The following UNC5C variants were observed in gnomAD, a reference collection of about 807,000 sequenced individuals.
The protein encoded by UNC5C is netrin receptor UNC5C.
Under a neutral mutation model 99.8 loss-of-function variants are expected in UNC5C, and 47 were observed. The ratio of observed to expected loss-of-function variants is 0.47; its 90% confidence interval spans 0.37 to 0.60. UNC5C has a LOEUF of 0.60. UNC5C is among the 20% of genes least tolerant of loss of function. UNC5C has a pLI of 0.00. For missense variants in UNC5C, 1,062 were observed against 1,165.9 expected (o/e 0.91, Z 1.30); for synonymous variants, 487 against 452.2 (o/e 1.08, Z -0.98).
At chr4:95,448,223 T>TGAGAGAGAGAGA (rs1355886184) in intron 1 of UNC5C, among the ~76,000 whole-genome samples, 34 of 108,038 alleles carry the variant, frequency 3.1e-4, no homozygotes, top group African/African-American at 8.8e-4. Context: ...TGTGTGTGTG[T>TGAGAGAGAGAGA]GTGTGAGAGA....
intron 1 of UNC5C, among the ~76,000 whole-genome samples, chr4:95,393,850 G>GTT (rs10638203): frequency 9.7e-5 from 13 of 133,762 alleles, no homozygotes; most frequent in African/African-American, 3.3e-4. Context: ...ACAATCTACT[G>GTT]TTTTTTTTTT....
chr4:95,171,950 A>G (rs1234896427), intron 14 of UNC5C, among the ~76,000 whole-genome samples: 1 of 151,196 alleles, frequency 6.6e-6, no homozygotes, highest in Non-Finnish European at 1.5e-5. Context: ...GTGAGATGGT[A>G]TCTCATTGTG....
intron 4 of UNC5C, among the ~76,000 whole-genome samples, chr4:95,254,059 T>G (rs1739858826): frequency 6.6e-6 from 1 of 152,184 alleles, no homozygotes; most frequent in African/African-American, 2.4e-5. Context: ...CCACTGGGTC[T>G]GGGGATGGGT....
chr4:95,374,515 A>G (rs1744837228), intron 1 of UNC5C, among the ~76,000 whole-genome samples: 1 of 152,040 alleles, frequency 6.6e-6, no homozygotes, highest in Admixed American at 6.5e-5. Context: ...CCTCAGAATC[A>G]GGGATTTACA....
At chr4:95,194,098 G>T (rs1021008105) in intron 12 of UNC5C, among the ~76,000 whole-genome samples, 21 of 151,784 alleles carry the variant, frequency 1.4e-4, no homozygotes, top group African/African-American at 5.1e-4. Flanking sequence ...CGGATGCTTG[G>T]TCTGAGCTGC....
At chr4:95,317,053 C>T (rs1742503701) in intron 2 of UNC5C, among the ~76,000 whole-genome samples, 1 of 150,806 alleles carries the variant, frequency 6.6e-6, no homozygotes, top group Non-Finnish European at 1.5e-5. Context: ...CCACATATAA[C>T]CTTGCCAAAG....
At chr4:95,180,076 G>C (rs28646007) in intron 14 of UNC5C, among the ~76,000 whole-genome samples, 2,960 of 152,236 alleles carry the variant, frequency 0.019, 104 homozygotes, top group African/African-American at 0.068. Flanking sequence ...AGTGGCACCA[G>C]TAAAAATGGT....
chr4:95,455,885 A>G (rs1396001190), intron 1 of UNC5C, among the ~76,000 whole-genome samples: 2 of 152,104 alleles, frequency 1.3e-5, no homozygotes, highest in Non-Finnish European at 2.9e-5. Context: ...GGTAACAAGT[A>G]TGTTTTTCAT....
intron 1 of UNC5C, among the ~76,000 whole-genome samples, chr4:95,375,741 G>A (rs1278983455): frequency 2.0e-5 from 3 of 152,106 alleles, no homozygotes; most frequent in Non-Finnish European, 2.9e-5. Context: ...TCATTATTTA[G>A]CATTATTGTG....
chr4:95,317,371 G>C (rs954171449), intron 2 of UNC5C, among the ~76,000 whole-genome samples: 1 of 152,168 alleles, frequency 6.6e-6, no homozygotes, highest in Non-Finnish European at 1.5e-5. Flanking sequence ...AACTGAGAGC[G>C]GCTGCATTAA....
intron 1 of UNC5C, among the ~76,000 whole-genome samples, chr4:95,417,167 A>C (rs891201971): frequency 6.6e-6 from 1 of 152,180 alleles, no homozygotes; most frequent in Non-Finnish European, 1.5e-5. Context: ...ATACATTTCA[A>C]AATGAGTGCC....
intron 1 of UNC5C, among the ~76,000 whole-genome samples, chr4:95,439,488 A>AGAT (rs1042121206): frequency 6.6e-6 from 1 of 152,080 alleles, no homozygotes; most frequent in African/African-American, 2.4e-5. Context: ...TTAGAGTCAC[A>AGAT]GATATGCTTT....
At chr4:95,392,430 ATTTTTT>A (rs10608601) in intron 1 of UNC5C, among the ~76,000 whole-genome samples, 3,236 of 109,052 alleles carry the variant, frequency 0.03, 269 homozygotes, top group Admixed American at 0.17. Flanking sequence ...GTATCAAAAC[ATTTTTT>A]TTTTTTTTAA....
chr4:95,468,806 G>A (rs1040804908), intron 1 of UNC5C, among the ~76,000 whole-genome samples: 4 of 152,090 alleles, frequency 2.6e-5, no homozygotes, highest in Non-Finnish European at 5.9e-5. Flanking sequence ...GACACCTTCG[G>A]TGTTGAACTT....
intron 1 of UNC5C, among the ~76,000 whole-genome samples, chr4:95,366,207 T>C (rs1331706906): frequency 1.3e-5 from 2 of 152,186 alleles, no homozygotes; most frequent in Non-Finnish European, 2.9e-5. Context: ...TGTGCACCTG[T>C]AGTCCCAGCT....
chr4:95,323,895 G>A (rs916287296), intron 2 of UNC5C, among the ~76,000 whole-genome samples: 1 of 152,072 alleles, frequency 6.6e-6, no homozygotes, highest in South Asian at 2.1e-4. Flanking sequence ...AGTTAGCTGG[G>A]CATGGTGGCA....
chr4:95,306,074 C>T (rs943838808), intron 2 of UNC5C, among the ~76,000 whole-genome samples: 5 of 152,040 alleles, frequency 3.3e-5, no homozygotes, highest in African/African-American at 1.2e-4. Context: ...ATGTAATCTA[C>T]AGTGCTATCA....
In UNC5C at chr4:95,224,344, C is replaced by T. The variant is rs111452507; in HGVS notation, c.1109-4168G>A. On this transcript the variant is annotated intron_variant, in intron 7 of 15. Transcript: ENST00000453304. The stretch of plus-strand genomic sequence containing the variant: ...GAATAAGCAGAAGAGCTGCGTCTTG[C>T]AAAAGGAAAGCCTATCTCCAGCTAG... 4.9e-4 allele frequency among the ~76,000 whole-genome samples: 74 copies of T among 152,286 alleles called. No individual in the cohort carries two copies. The South Asian group carries it at 5.4e-3, about 11-fold the overall frequency.
intron 1 of UNC5C, among the ~76,000 whole-genome samples, chr4:95,432,783 C>G (rs555663019): frequency 1.3e-5 from 2 of 152,076 alleles, no homozygotes; most frequent in African/African-American, 4.8e-5. Context: ...ATGGGGAGAT[C>G]AAGCACAAGG....
Sources: allele counts gnomAD v4.1 joint callset (sites outside exome capture counted in the v4.1 genomes callset), GRCh38; gene constraint gnomAD v4.1.1; transcripts MANE v1.5; gene names NCBI Gene and HGNC (gene_info 2026-07-23, HGNC 2026-07-21).